The following STX8 variants were observed in gnomAD, a reference collection of about 807,000 sequenced individuals.
STX8 encodes syntaxin 8, also known as syntaxin-8.
In STX8, 23 loss-of-function variants were observed where a neutral mutation model predicts 37.5. The observed-to-expected ratio is 0.61, with a 90% CI of 0.44 to 0.87. The LOEUF is 0.87. Ranked by LOEUF, STX8 falls within the 40% of genes least tolerant of loss-of-function variation. The pLI, the probability that STX8 is intolerant of heterozygous loss-of-function variation, is 0.00. For missense variants in STX8, 313 were observed against 284.7 expected, an observed-to-expected ratio of 1.10 and a Z score of -0.71; for synonymous variants, 115 against 99.1, an observed-to-expected ratio of 1.16 and a Z score of -0.95.
chr17:9,550,207 A>C (rs1279607452), intron 3 of STX8, among the ~76,000 whole-genome samples: 79 of 135,154 alleles, frequency 5.8e-4, no homozygotes, highest in Middle Eastern at 5.0e-3. Flanking sequence ...CTGGGCAACA[A>C]AGTGAGACTC....
At chr17:9,271,767 A>G (rs1313506331) in intron 7 of STX8, among the ~76,000 whole-genome samples, 1 of 151,704 alleles carries the variant, frequency 6.6e-6, no homozygotes, top group African/African-American at 2.4e-5. Flanking sequence ...AAAAAAAAAA[A>G]AGAAAGAAAG....
chr17:9,489,691 C>CTTTTTTTTTT (rs4063411), intron 6 of STX8, among the ~76,000 whole-genome samples: 10 of 127,388 alleles, frequency 7.9e-5, no homozygotes, highest in African/African-American at 1.2e-4. Context: ...GCTTACTTTC[C>CTTTTTTTTTT]TTTTTTTTTT....
At chr17:9,517,183 A>G (rs1400757596) in intron 4 of STX8, among the ~76,000 whole-genome samples, 2 of 152,198 alleles carry the variant, frequency 1.3e-5, no homozygotes, top group Middle Eastern at 3.4e-3. Flanking sequence ...TATCTTGCTT[A>G]ATTTTTCTTT....
chr17:9,561,862 T>G (rs1907248658), intron 2 of STX8, among the ~76,000 whole-genome samples: 1 of 151,980 alleles, frequency 6.6e-6, no homozygotes, highest in South Asian at 2.1e-4. Context: ...AAGTCTACAT[T>G]GAAGAATTTA....
At chr17:9,327,872 T>C (rs111590452) in intron 7 of STX8, among the ~76,000 whole-genome samples, 3,748 of 151,430 alleles carry the variant, frequency 0.025, 160 homozygotes, top group African/African-American at 0.087. Flanking sequence ...CTTCCTCTCT[T>C]TTTTCCTTCC....
chr17:9,544,939 G>A (rs1906440077), intron 4 of STX8, among the ~76,000 whole-genome samples: 1 of 152,158 alleles, frequency 6.6e-6, no homozygotes, highest in Non-Finnish European at 1.5e-5. Flanking sequence ...AGCTTGCAGA[G>A]AGCCAAGATC....
chr17:9,299,439 C>CTTT (rs34149994), intron 7 of STX8, among the ~76,000 whole-genome samples: 13 of 93,038 alleles, frequency 1.4e-4, no homozygotes, highest in African/African-American at 5.1e-4. Context: ...CATTCTTACG[C>CTTT]TTTTTTTTTT....
At chr17:9,260,753 G>T (rs1906988361) in intron 7 of STX8, among the ~76,000 whole-genome samples, 1 of 152,184 alleles carries the variant, frequency 6.6e-6, no homozygotes, top group South Asian at 2.1e-4. Flanking sequence ...GAAGAGAGAG[G>T]CACCTGGCAC....
At chr17:9,533,727 T>C (rs1337347578) in intron 4 of STX8, among the ~76,000 whole-genome samples, 3 of 152,214 alleles carry the variant, frequency 2.0e-5, no homozygotes, top group Admixed American at 6.5e-5. Flanking sequence ...CTTGAGTCTC[T>C]GGTTCTTCAA....
At chr17:9,415,500 G>T (rs372552625) in intron 6 of STX8, among the ~76,000 whole-genome samples, 1 of 151,874 alleles carries the variant, frequency 6.6e-6, no homozygotes, top group African/African-American at 2.4e-5. Context: ...CGGCGGGTGC[G>T]GTGGCTCACT....
At chr17:9,493,129 G>A (rs1015376839) in intron 5 of STX8, among the ~76,000 whole-genome samples, 1 of 151,472 alleles carries the variant, frequency 6.6e-6, no homozygotes, top group African/African-American at 2.4e-5. Flanking sequence ...TAGGCACGAT[G>A]GCATGTACCT....
Position 9,265,823 on chromosome 17 carries a change from G to A in STX8, c.644-15178C>T, listed in dbSNP as rs192710704. On this transcript the variant is annotated intron_variant, in intron 7 of 7. Coordinates refer to ENST00000306357, the MANE Select transcript of STX8 (RefSeq NM_004853.3). The stretch of plus-strand genomic sequence containing the variant: ...TGTGTGTTTGTTGGGGGCGCTGGAG[G>A]GGGGCTTCAGTGTGTGAAGACAGAC... 2.8e-3 allele frequency among the ~76,000 whole-genome samples: 430 copies of A among 152,282 alleles called. 2 individuals carry two copies. The highest frequency in any genetic ancestry group is 9.7e-3 in the African/African-American group (403 of 41,556).
chr17:9,424,151 T>C (rs1048132483), intron 6 of STX8, among the ~76,000 whole-genome samples: 5 of 152,122 alleles, frequency 3.3e-5, no homozygotes, highest in Admixed American at 3.3e-4. Context: ...TTGGGTTCCC[T>C]GGCTGGGCGA....
chr17:9,546,131 T>G (rs565965099), intron 3 of STX8, among the ~76,000 whole-genome samples: 1 of 152,302 alleles, frequency 6.6e-6, no homozygotes, highest in South Asian at 2.1e-4. Flanking sequence ...TGCAACAGAT[T>G]TGCTCTATAA....
At chr17:9,267,277 A>G (rs1008692104) in intron 7 of STX8, among the ~76,000 whole-genome samples, 1 of 152,180 alleles carries the variant, frequency 6.6e-6, no homozygotes, top group Non-Finnish European at 1.5e-5. Flanking sequence ...TCATGGAGAC[A>G]AAAAGAGAGA....
intron 5 of STX8, among the ~76,000 whole-genome samples, chr17:9,494,781 G>A (rs913019351): frequency 4.6e-5 from 7 of 152,008 alleles, no homozygotes; most frequent in African/African-American, 1.7e-4. Context: ...AGTTACTCAC[G>A]ATCCTTTCTT....
At chr17:9,420,320 C>T (rs1034603665) in intron 6 of STX8, among the ~76,000 whole-genome samples, 4 of 152,188 alleles carry the variant, frequency 2.6e-5, no homozygotes, top group African/African-American at 9.7e-5. Context: ...ACAGCCACCT[C>T]CCTTTTTCTC....
Position 9,280,989 on chromosome 17 carries a change from G to A in STX8, c.644-30344C>T, listed in dbSNP as rs558310130. ...GTGTGGGCCACAGATAAGCAGGAGA[G>A]TGGATTGCACAGGGCCCTAGGTGTG... On this transcript the variant is annotated intron_variant, in intron 7 of 7. Coordinates refer to ENST00000306357, the MANE Select transcript of STX8 (RefSeq NM_004853.3). Among the ~76,000 whole-genome samples the A allele has an allele frequency of 1.4e-4, 21 of 152,328 alleles. No homozygotes were observed. The South Asian group carries it at 4.4e-3, about 32-fold the overall frequency.
chr17:9,527,202 A>AAAAAAAAAC (rs1905614110), intron 4 of STX8, among the ~76,000 whole-genome samples: 1 of 144,672 alleles, frequency 6.9e-6, no homozygotes, highest in Non-Finnish European at 1.5e-5. Flanking sequence ...AAAAAAAAAA[A>AAAAAAAAAC]AGAGGCTGAG....
Sources: gnomAD v4.1 joint callset for allele counts (sites outside exome capture counted in the v4.1 genomes callset) on GRCh38, gnomAD v4.1.1 for gene constraint, MANE v1.5 for transcripts, NCBI Gene and HGNC (gene_info 2026-07-23, HGNC 2026-07-21) for gene names.